The following TMEM273 variants were observed in gnomAD, a reference collection of about 807,000 sequenced individuals.
TMEM273 encodes transmembrane protein 273.
Under a neutral mutation model 17.9 loss-of-function variants are expected in TMEM273, and 19 were observed. The observed-to-expected ratio is 1.06, with a 90% CI of 0.74 to 1.55. The LOEUF (loss-of-function observed/expected upper bound fraction) is 1.55. TMEM273 is among the 40% of genes most tolerant of loss of function. TMEM273 has a pLI of 0.00. For missense variants in TMEM273, 194 were observed against 155.6 expected (o/e 1.25, Z -1.31); for synonymous variants, 66 against 62.0 (o/e 1.07, Z -0.31).
chr10:49,156,121 T>C, intron 6 of TMEM273: 1 of 1,538,904 alleles, frequency 6.5e-7, no homozygotes, highest in Non-Finnish European at 8.8e-7. Flanking sequence ...AGTTGTTTTC[T>C]GCCTGCCAAA....
chr10:49,171,068 G>A (rs1163920242), intron 1 of TMEM273, among the ~76,000 whole-genome samples: 1 of 152,244 alleles, frequency 6.6e-6, no homozygotes, highest in Non-Finnish European at 1.5e-5. Context: ...GAACTGCACT[G>A]CATTTTCTCT....
At chr10:49,167,798 A>G in intron 2 of TMEM273, 111 bp downstream of exon 2, 2 of 1,407,174 alleles carry the variant, frequency 1.4e-6, no homozygotes, top group Non-Finnish European at 2.0e-6. Flanking sequence ...CCCTTTTCCT[A>G]TGCTGACAGC....
chr10:49,158,541 A>G (rs115485614), intron 6 of TMEM273, among the ~76,000 whole-genome samples: 5,594 of 152,302 alleles, frequency 0.037, 208 homozygotes, highest in Non-Finnish European at 0.039. Flanking sequence ...CCTGCAAAGG[A>G]AGCACAACGT....
intron 2 of TMEM273, among the ~76,000 whole-genome samples, chr10:49,167,404 G>A (rs1206126079): frequency 1.3e-5 from 2 of 152,282 alleles, no homozygotes; most frequent in African/African-American, 4.8e-5. Flanking sequence ...GATAAGGCCT[G>A]TCTGGCCTTT....
intron 1 of TMEM273, among the ~76,000 whole-genome samples, chr10:49,171,153 G>A (rs983316890): frequency 6.6e-6 from 1 of 152,258 alleles, no homozygotes. Flanking sequence ...AGGGGACTGA[G>A]GTAAGGCTGT....
intron 4 of TMEM273, 138 bp from the exon 5 acceptor site, chr10:49,165,421 C>G (rs1036009071): frequency 1.2e-5 from 18 of 1,502,804 alleles, no homozygotes; most frequent in Non-Finnish European, 1.6e-5. Flanking sequence ...CTGGGACAAA[C>G]CACGTGTGAC....
In TMEM273 at chr10:49,155,793, C is replaced by A; in HGVS notation, c.*99G>T. 1 of 1,571,348 alleles carries A rather than the reference C, an allele frequency of 6.4e-7. No individual in the cohort carries two copies. On this transcript the variant is annotated 3_prime_UTR_variant, in exon 7 of 7. Coordinates refer to ENST00000374153, the MANE Select transcript of TMEM273 (RefSeq NM_001288740.3). ...TTCAGTCCATGTGAAAGTTCATTAC[C>A]AGCCTTGGGTGTTTGAATGCAGAAC...
chr10:49,185,247 T>C (rs952810068), intron 1 of TMEM273, among the ~76,000 whole-genome samples: 3 of 152,196 alleles, frequency 2.0e-5, no homozygotes, highest in African/African-American at 7.2e-5. Context: ...TGTTTGAAAA[T>C]ATTTAAAGAA....
chr10:49,166,562 C>T (rs1846197216), intron 3 of TMEM273: 7 of 358,664 alleles, frequency 2.0e-5, no homozygotes, highest in East Asian at 6.1e-5. Flanking sequence ...ATGTGATTCT[C>T]AGGACTGCCA....
intron 1 of TMEM273, among the ~76,000 whole-genome samples, chr10:49,184,620 T>A (rs1847551198): frequency 6.6e-6 from 1 of 152,212 alleles, no homozygotes; most frequent in African/African-American, 2.4e-5. Context: ...TTGTCAAGAA[T>A]TGAGAAGTTG....
chr10:49,169,547 T>C (rs1452144412), intron 1 of TMEM273, among the ~76,000 whole-genome samples: 1 of 152,204 alleles, frequency 6.6e-6, no homozygotes, highest in Non-Finnish European at 1.5e-5. Context: ...TTTGTTCTAA[T>C]CACAGATATT....
At chr10:49,181,426 G>A (rs1847334474) in intron 1 of TMEM273, among the ~76,000 whole-genome samples, 1 of 152,136 alleles carries the variant, frequency 6.6e-6, no homozygotes, top group Non-Finnish European at 1.5e-5. Flanking sequence ...TGAAAAGGAA[G>A]AATAAAGTAG....
At chr10:49,165,738 T>C (rs1846135979) in intron 4 of TMEM273, 28 bp downstream of exon 4, 1 of 1,613,934 alleles carries the variant, frequency 6.2e-7, no homozygotes, top group African/African-American at 1.3e-5. Flanking sequence ...ACGATACCTC[T>C]CCCTGACTGT....
At chr10:49,162,477 C>T (rs188839890) in intron 5 of TMEM273, among the ~76,000 whole-genome samples, 3 of 152,322 alleles carry the variant, frequency 2.0e-5, no homozygotes, top group East Asian at 1.9e-4. Flanking sequence ...CAAGGTCTGG[C>T]GATTTGCAAA....
chr10:49,162,375 G>A (rs763772891), intron 5 of TMEM273, among the ~76,000 whole-genome samples: 8 of 152,104 alleles, frequency 5.3e-5, no homozygotes, highest in Non-Finnish European at 8.8e-5. Flanking sequence ...ATATGCGTGC[G>A]CACACACACA....
In TMEM273 at chr10:49,155,861, A is replaced by G; in HGVS notation, c.*31T>C. 6.2e-7 allele frequency: 1 copy of G among 1,613,984 alleles called. No homozygotes were observed. The highest frequency in any genetic ancestry group is 1.1e-5 in the South Asian group (1 of 91,072). ...ATGGGCTGTTTTCCACGGGGCTAGA[A>G]CCCCTCTTCACGTCACTGCTCACCT... On this transcript the variant is annotated 3_prime_UTR_variant, in exon 7 of 7. Coordinates refer to ENST00000374153, the MANE Select transcript of TMEM273 (RefSeq NM_001288740.3).
chr10:49,169,681 A>AGCC (rs1846425419), intron 1 of TMEM273, among the ~76,000 whole-genome samples: 1 of 152,200 alleles, frequency 6.6e-6, no homozygotes, highest in Non-Finnish European at 1.5e-5. Flanking sequence ...TGTTCTCTGA[A>AGCC]GCCCCAATCA....
intron 3 of TMEM273, 33 bp downstream of exon 3, chr10:49,166,836 G>A (rs1846219200): frequency 1.2e-6 from 2 of 1,611,458 alleles, no homozygotes; most frequent in South Asian, 2.2e-5. Context: ...CGCTGGGTGG[G>A]GCAGAGCCAG....
chr10:49,165,633 C>G lies in TMEM273; in HGVS notation c.269+133G>C, dbSNP rs117774116. ...AGGAGAGAGTGTAAGGAGGGGACCA[C>G]GAGGTGCATTCTAGTCACCTAGAAA... is the stretch of plus-strand genomic sequence containing the variant. On this transcript the variant is annotated intron_variant, in intron 4 of 6. Coordinates refer to ENST00000374153, the MANE Select transcript of TMEM273 (RefSeq NM_001288740.3). The G allele has an allele frequency of 1.6e-4, 218 of 1,357,714 alleles. No individual in the cohort carries two copies. In the African/African-American group the frequency reaches 2.6e-3, roughly 16 times the overall value. 84.1% of individuals were successfully genotyped at this position (1,357,714 alleles called of 1,614,324 possible).
Sources: gnomAD v4.1 joint callset for allele counts (sites outside exome capture counted in the v4.1 genomes callset) on GRCh38, gnomAD v4.1.1 for gene constraint, MANE v1.5 for transcripts, NCBI Gene and HGNC (gene_info 2026-07-23, HGNC 2026-07-21) for gene names.